The following VPS53 variants were observed in gnomAD, a reference collection of about 807,000 sequenced individuals.
VPS53 encodes vacuolar protein sorting-associated protein 53 homolog.
A neutral mutation model predicts 107.0 loss-of-function variants in VPS53; 70 were observed. The ratio of observed to expected loss-of-function variants is 0.65; its 90% CI spans 0.54 to 0.80. The LOEUF is 0.80. Among genes scored for constraint, VPS53 ranks in the 30% least tolerant of loss-of-function variants. The pLI is 0.00. For missense variants in VPS53, 917 were observed against 1,049.4 expected (o/e 0.87, Z 1.74); for synonymous variants, 409 against 393.3 (o/e 1.04, Z -0.47).
chr17:598,915 G>A (rs1968157139), intron 12 of VPS53, among the ~76,000 whole-genome samples: 1 of 7,716 alleles, frequency 1.3e-4, no homozygotes, highest in Non-Finnish European at 2.7e-4. Flanking sequence ...TCCGGGAGGT[G>A]AGGGGCGCCT....
Position 627,333 on chromosome 17 carries a change from T to C in VPS53, c.832-17A>G, listed in dbSNP as rs375906521. 52 of 1,609,722 alleles carry C rather than the reference T, an allele frequency of 3.2e-5. No individual in the cohort carries two copies. In the African/African-American group the frequency reaches 3.9e-4, roughly 12 times the overall value. On this transcript the variant is annotated splice_polypyrimidine_tract_variant and intron_variant, in intron 9 of 21. Coordinates refer to ENST00000437048, the MANE Select transcript of VPS53 (RefSeq NM_001128159.3). ...CCAGGCAACCTGGTGAAGGTGGAGA[T>C]CAAAAGCCACCCCAGTGGTTAGAAG...
intron 17 of VPS53, 89 bp downstream of exon 17, chr17:551,783 G>A (rs1437567027): frequency 2.5e-6 from 3 of 1,185,658 alleles, no homozygotes; most frequent in African/African-American, 1.5e-5. Context: ...ACGCTCCGAT[G>A]AGCCTGGAGA....
chr17:655,388 G>T (rs971011282), intron 6 of VPS53, among the ~76,000 whole-genome samples: 8 of 152,160 alleles, frequency 5.3e-5, no homozygotes, highest in Non-Finnish European at 1.0e-4. Flanking sequence ...TCAGCCCAAC[G>T]CAAGCAGGAA....
At chr17:616,501 A>T (rs548698882) in intron 11 of VPS53, 1 of 152,386 alleles carries the variant, frequency 6.6e-6, no homozygotes, top group East Asian at 1.9e-4. Context: ...AAAAGGCTCA[A>T]GTGTTCCTAG....
At chr17:521,030 A>G (rs1194220474) in intron 20 of VPS53, among the ~76,000 whole-genome samples, 2 of 152,204 alleles carry the variant, frequency 1.3e-5, no homozygotes, top group Admixed American at 1.3e-4. Flanking sequence ...TTTTAAGACC[A>G]CATCACCACA....
At position 633,281 on chromosome 17, in the gene VPS53, G is replaced by A. The variant is rs539267752; in HGVS notation, c.609-1653C>T. Among the ~76,000 whole-genome samples, 207 of 152,284 alleles carry A rather than the reference G, an allele frequency of 1.4e-3. 2 individuals are homozygous for A. The highest frequency in any genetic ancestry group is 2.8e-3 in the Admixed American group (43 of 15,290). Reference sequence around the variant, plus strand: ...GAGCTGCCTGATGTTGGTGGCCACCGTGCACCGGCCAGCCTTGCAGAGAGA... The same window carrying A: ...GAGCTGCCTGATGTTGGTGGCCACCATGCACCGGCCAGCCTTGCAGAGAGA... On this transcript the variant is annotated intron_variant, in intron 7 of 21. Coordinates refer to ENST00000437048, the MANE Select transcript of VPS53 (RefSeq NM_001128159.3).
intron 19 of VPS53, among the ~76,000 whole-genome samples, chr17:526,772 A>C (rs949540243): frequency 2.6e-5 from 4 of 152,230 alleles, no homozygotes. Context: ...CTGATCACCC[A>C]GCAATGGAAA....
At chr17:538,525 T>C (rs1233536566) in intron 17 of VPS53, 1 of 152,212 alleles carries the variant, frequency 6.6e-6, no homozygotes, top group Admixed American at 6.5e-5. Flanking sequence ...CTGAGAGAGC[T>C]TGTTTAAAAG....
intron 7 of VPS53, among the ~76,000 whole-genome samples, chr17:632,571 C>T (rs1489935549): frequency 6.6e-6 from 1 of 152,006 alleles, no homozygotes; most frequent in African/African-American, 2.4e-5. Flanking sequence ...AATTATTAAC[C>T]GTAGTCACCC....
chr17:714,801 C>T lies in VPS53; in HGVS notation c.-92G>A, dbSNP rs980781568. The T allele has an allele frequency of 2.9e-4, 420 of 1,424,938 alleles. 1 individual carries two copies. Among genetic ancestry groups the T allele is most frequent in the Non-Finnish European group, 4.0e-4 (403 of 1,015,088 alleles). 88.3% of individuals were successfully genotyped at this position (1,424,938 alleles called of 1,614,324 possible). On this transcript the variant is annotated 5_prime_UTR_variant, in exon 1 of 22. Transcript: ENST00000437048. ...CCCCAGCACAGCAACTCCCTCGCGG[C>T]AGCGACCTGGTGAGCCCGGCTCCGT...
rs1436988737 is a variant in VPS53, at chr17:515,530, C to G, written c.*3598G>C. On this transcript the variant is annotated 3_prime_UTR_variant, in exon 22 of 22. Coordinates refer to ENST00000437048, the MANE Select transcript of VPS53 (RefSeq NM_001128159.3). ...ACCAGTGTGAGCCACCATGCCCGGC[C>G]TATTTTTTAATAGAGATGGGGTCTC... The G allele has an allele frequency of 6.6e-6, 1 of 152,058 alleles. No individual in the cohort carries two copies. Among genetic ancestry groups the G allele is most frequent in the Non-Finnish European group, 1.5e-5 (1 of 68,070 alleles). The allele number at this position is 152,058 out of a possible 1,614,324, so 9.4% of individuals were successfully genotyped here.
At chr17:709,100 C>T (rs1419285185) in intron 2 of VPS53, among the ~76,000 whole-genome samples, 7 of 152,132 alleles carry the variant, frequency 4.6e-5, no homozygotes, top group Admixed American at 4.6e-4. Context: ...AACCACCTCA[C>T]AGAGAACTTC....
chr17:610,774 C>T (rs940188374), intron 11 of VPS53, among the ~76,000 whole-genome samples: 2 of 134,450 alleles, frequency 1.5e-5, no homozygotes, highest in Non-Finnish European at 3.2e-5. Flanking sequence ...AAAAAAAATA[C>T]AAAAAATACA....
intron 18 of VPS53, among the ~76,000 whole-genome samples, chr17:535,327 A>G (rs1909955574): frequency 6.6e-6 from 1 of 152,218 alleles, no homozygotes; most frequent in Admixed American, 6.5e-5. Flanking sequence ...GGGACTGGCT[A>G]AGTCAACCGA....
intron 7 of VPS53, among the ~76,000 whole-genome samples, chr17:643,645 G>C (rs182189541): frequency 0.054 from 8,075 of 150,304 alleles, 312 homozygotes; most frequent in East Asian, 0.27. Context: ...ACTCATACTT[G>C]GAAAGCGAGG....
intron 7 of VPS53, among the ~76,000 whole-genome samples, chr17:640,907 T>C (rs568575612): frequency 1.3e-5 from 2 of 152,062 alleles, no homozygotes; most frequent in South Asian, 2.1e-4. Flanking sequence ...CAGGCTGGAG[T>C]GCAATGGGAT....
At chr17:527,006 G>C (rs1281575400) in intron 19 of VPS53, among the ~76,000 whole-genome samples, 1 of 152,240 alleles carries the variant, frequency 6.6e-6, no homozygotes, top group Admixed American at 6.5e-5. Context: ...TATCAGGAGG[G>C]ATGGAACAAG....
intron 7 of VPS53, among the ~76,000 whole-genome samples, chr17:635,041 A>T (rs935458671): frequency 9.2e-5 from 14 of 152,194 alleles, no homozygotes; most frequent in Admixed American, 8.5e-4. Flanking sequence ...ATTTCTCCAC[A>T]TCCTCTCCAG....
chr17:707,202 C>G (rs1004283806), intron 2 of VPS53, among the ~76,000 whole-genome samples: 1 of 152,152 alleles, frequency 6.6e-6, no homozygotes, highest in African/African-American at 2.4e-5. Context: ...TCTGGGGATA[C>G]AGGCTTAAAA....
Sources: allele counts gnomAD v4.1 joint callset (sites outside exome capture counted in the v4.1 genomes callset), GRCh38; gene constraint gnomAD v4.1.1; transcripts MANE v1.5; gene names NCBI Gene and HGNC (gene_info 2026-07-23, HGNC 2026-07-21).